The following DOCK10 variants were observed in gnomAD, a reference collection of about 807,000 sequenced individuals.
DOCK10 encodes dedicator of cytokinesis protein 10.
Under a neutral mutation model 280.1 loss-of-function variants are expected in DOCK10, and 145 were observed. That is an observed-to-expected ratio of 0.52 (90% CI 0.45 to 0.59). The LOEUF (loss-of-function observed/expected upper bound fraction) is 0.59, where lower values mean the gene tolerates loss of function less well. Ranked by LOEUF, DOCK10 falls within the 20% of genes least tolerant of loss-of-function variation. The pLI is 0.00. For synonymous variants in DOCK10, 915 were observed against 942.2 expected (o/e 0.97, Z 0.53); for missense variants, 2,368 against 2,651.7 (o/e 0.89, Z 2.35).
At chr2:224,806,776 T>C (rs1693423063) in intron 33 of DOCK10, among the ~76,000 whole-genome samples, 1 of 152,076 alleles carries the variant, frequency 6.6e-6, no homozygotes, top group South Asian at 2.1e-4. Flanking sequence ...AGCTAATTTT[T>C]TAAATTTCTT....
intron 50 of DOCK10, among the ~76,000 whole-genome samples, chr2:224,785,021 A>G (rs189697940): frequency 6.6e-6 from 1 of 152,134 alleles, no homozygotes; most frequent in African/African-American, 2.4e-5. Flanking sequence ...GCCTGTGGCC[A>G]TCTCCCTTGA....
chr2:225,008,813 A>G (rs564829473), intron 1 of DOCK10, among the ~76,000 whole-genome samples: 4 of 152,340 alleles, frequency 2.6e-5, no homozygotes, highest in Non-Finnish European at 4.4e-5. Context: ...ATGCTCCACT[A>G]TCTGCCCATA....
intron 19 of DOCK10, among the ~76,000 whole-genome samples, chr2:224,847,856 G>A (rs1696464528): frequency 6.6e-6 from 1 of 152,112 alleles, no homozygotes; most frequent in South Asian, 2.1e-4. Context: ...CCCACTAGAT[G>A]TCCTGAATGT....
At chr2:224,934,875 A>T (rs150596762) in intron 1 of DOCK10, among the ~76,000 whole-genome samples, 186 of 152,330 alleles carry the variant, frequency 1.2e-3, no homozygotes, top group African/African-American at 4.3e-3. Context: ...CAAATGAGTA[A>T]TGAATTTCAT....
Position 224,774,997 on chromosome 2 carries a change from ATGT to A in DOCK10, c.5918_5920del (p.Asn1973del). ...GGGTGTCTCGAAGACAAAGCGGTTGATGTTGTGGTGCATTTCGAAATCTGTCTT... is the reference window on the plus strand; with the variant it reads ...GGGTGTCTCGAAGACAAAGCGGTTGATGTGGTGCATTTCGAAATCTGTCTT... On this transcript the variant is annotated inframe_deletion, in exon 52 of 56. Coordinates refer to ENST00000258390, the MANE Select transcript of DOCK10 (RefSeq NM_014689.3). 1 of 1,613,712 alleles carries A rather than the reference ATGT, an allele frequency of 6.2e-7. No homozygotes were observed. Among genetic ancestry groups the A allele is most frequent in the Non-Finnish European group, 8.5e-7 (1 of 1,179,788 alleles).
chr2:224,836,058 G>A (rs16866211), intron 25 of DOCK10, among the ~76,000 whole-genome samples: 16,648 of 152,164 alleles, frequency 0.11, 1,070 homozygotes, highest in Middle Eastern at 0.19. Flanking sequence ...TCACAACACC[G>A]GAGGGTTCTT....
At chr2:224,982,798 A>AT (rs10627404) in intron 1 of DOCK10, among the ~76,000 whole-genome samples, 107,982 of 150,478 alleles carry the variant, frequency 0.72, 38,707 homozygotes, top group Middle Eastern at 0.8. Context: ...AGTGAAAATG[A>AT]TTTTTTTTTT....
In DOCK10 at chr2:224,823,483, G is replaced by A. The variant is rs369628427; in HGVS notation, c.3183+18C>T. ...AACATGGGGCCTTGAATAGAACTGC[G>A]ATCTCATATAACTGTACCTTGAGAA... is the stretch of plus-strand genomic sequence containing the variant. On this transcript the variant is annotated intron_variant, in intron 28 of 55. Transcript: ENST00000258390. 2.2e-5 allele frequency: 34 copies of A among 1,557,942 alleles called. No individual in the cohort carries two copies. The highest frequency in any genetic ancestry group is 1.8e-4 in the African/African-American group (13 of 71,400).
At chr2:224,840,185 G>A (rs888759255) in intron 23 of DOCK10, 113 bp from the exon 24 acceptor site, 3 of 563,030 alleles carry the variant, frequency 5.3e-6, no homozygotes, top group South Asian at 2.6e-5. Context: ...AAAACTTCGT[G>A]ACATTAGACT....
chr2:224,840,932 AAAGG>A (rs1302570605), intron 23 of DOCK10, among the ~76,000 whole-genome samples: 2 of 152,214 alleles, frequency 1.3e-5, no homozygotes, highest in Admixed American at 1.3e-4. Context: ...ACAGCCTTAA[AAAGG>A]AAGGAAATTA....
chr2:224,772,484 C>T (rs766582134), intron 53 of DOCK10, among the ~76,000 whole-genome samples: 1 of 152,174 alleles, frequency 6.6e-6, no homozygotes, highest in African/African-American at 2.4e-5. Flanking sequence ...CTCCCTATCG[C>T]TAGCTGAAGT....
intron 19 of DOCK10, among the ~76,000 whole-genome samples, chr2:224,847,719 GA>G (rs1261641098): frequency 6.6e-6 from 1 of 152,110 alleles, no homozygotes; most frequent in Non-Finnish European, 1.5e-5. Context: ...ATTTGTGGGG[GA>G]AAAATTAAAG....
intron 1 of DOCK10, among the ~76,000 whole-genome samples, chr2:225,008,207 C>A (rs1030601748): frequency 2.6e-5 from 4 of 152,078 alleles, no homozygotes; most frequent in African/African-American, 9.7e-5. Context: ...CTATGTTGCC[C>A]AGGGTGGACT....
intron 1 of DOCK10, among the ~76,000 whole-genome samples, chr2:225,002,293 T>G (rs1706451527): frequency 1.3e-5 from 2 of 152,188 alleles, no homozygotes; most frequent in Non-Finnish European, 2.9e-5. Flanking sequence ...GCATCCTTTT[T>G]GCCATTTTGC....
intron 1 of DOCK10, among the ~76,000 whole-genome samples, chr2:224,965,352 C>A (rs868060330): frequency 1.3e-5 from 2 of 151,810 alleles, no homozygotes; most frequent in Admixed American, 6.5e-5. Context: ...GAATGCCCAA[C>A]AAGTAGGCAT....
At chr2:224,978,098 C>T (rs989697573) in intron 1 of DOCK10, among the ~76,000 whole-genome samples, 1 of 152,112 alleles carries the variant, frequency 6.6e-6, no homozygotes, top group African/African-American at 2.4e-5. Context: ...CCCTATTTAG[C>T]TTCGATGTAA....
intron 4 of DOCK10, among the ~76,000 whole-genome samples, chr2:224,894,493 A>G (rs1559686384): frequency 6.6e-6 from 1 of 152,202 alleles, no homozygotes; most frequent in Non-Finnish European, 1.5e-5. Flanking sequence ...ACCACTTCTC[A>G]GAACTATTTT....
intron 1 of DOCK10, among the ~76,000 whole-genome samples, chr2:224,967,494 A>C (rs1385304379): frequency 6.6e-6 from 1 of 152,208 alleles, no homozygotes; most frequent in Non-Finnish European, 1.5e-5. Context: ...TGGGTAGGTC[A>C]ACCCCAAAGT....
At chr2:225,027,127 T>G (rs1207044913) in intron 1 of DOCK10, among the ~76,000 whole-genome samples, 2 of 152,186 alleles carry the variant, frequency 1.3e-5, no homozygotes, top group Non-Finnish European at 2.9e-5. Flanking sequence ...CTTGTAGGTC[T>G]GAGATCCGTC....
Sources: gnomAD v4.1 joint callset for allele counts (sites outside exome capture counted in the v4.1 genomes callset) on GRCh38, gnomAD v4.1.1 for gene constraint, MANE v1.5 for transcripts, NCBI Gene and HGNC (gene_info 2026-07-23, HGNC 2026-07-21) for gene names.